The following LPAR3 variants were observed in gnomAD, a reference collection of about 807,000 sequenced individuals.
The protein encoded by LPAR3 is lysophosphatidic acid receptor 3, also known as LPA receptor 3.
A neutral mutation model predicts 17.8 loss-of-function variants in LPAR3; 7 were observed. That is an observed-to-expected ratio of 0.39 (90% CI 0.22 to 0.74). The LOEUF is 0.74. Ranked by LOEUF, LPAR3 falls within the 30% of genes least tolerant of loss-of-function variation. The pLI, the probability that LPAR3 is intolerant of heterozygous loss-of-function variation, is 0.40. For synonymous variants in LPAR3, 179 were observed against 179.9 expected, an observed-to-expected ratio of 0.99 and a Z score of 0.04; for missense variants, 391 against 453.4, an observed-to-expected ratio of 0.86 and a Z score of 1.25.
At chr1:84,885,218 C>A (rs1557610730) in intron 1 of LPAR3, among the ~76,000 whole-genome samples, 2 of 152,128 alleles carry the variant, frequency 1.3e-5, no homozygotes, top group South Asian at 2.1e-4. Flanking sequence ...AGAGAAGTAT[C>A]CGGTCCAAAA....
intron 2 of LPAR3, among the ~76,000 whole-genome samples, chr1:84,853,630 A>G (rs985858986): frequency 2.0e-5 from 3 of 152,226 alleles, no homozygotes; most frequent in Non-Finnish European, 4.4e-5. Context: ...GCTGCTGCTG[A>G]CAAATGTGCC....
chr1:84,885,791 G>T (rs1187517787), intron 1 of LPAR3, among the ~76,000 whole-genome samples: 1 of 152,198 alleles, frequency 6.6e-6, no homozygotes, highest in Admixed American at 6.5e-5. Flanking sequence ...CTTCACATTT[G>T]TAAGACTGGT....
intron 2 of LPAR3, among the ~76,000 whole-genome samples, chr1:84,814,978 A>G (rs1394546652): frequency 6.6e-6 from 1 of 152,136 alleles, no homozygotes; most frequent in Non-Finnish European, 1.5e-5. Flanking sequence ...CCATTAAGAC[A>G]TGGGTCCACT....
intron 2 of LPAR3, among the ~76,000 whole-genome samples, chr1:84,821,804 G>A (rs1374253342): frequency 6.6e-6 from 1 of 152,170 alleles, no homozygotes; most frequent in African/African-American, 2.4e-5. Context: ...ATGAATATTT[G>A]GATCTAGGAA....
Position 84,863,494 on chromosome 1 carries a change from T to A in LPAR3, c.736+1891A>T, listed in dbSNP as rs565877552. Among the ~76,000 whole-genome samples the A allele has an allele frequency of 5.9e-5, 9 of 152,296 alleles. No homozygotes were observed. The South Asian group carries it at 1.7e-3, about 28-fold the overall frequency. ...TAGTTCCCCAGAGTCTCCTGGGTTT[T>A]CCATCCCTTCTAGGGCTCCTTTGCT... On this transcript the variant is annotated intron_variant, in intron 2 of 2. Transcript: ENST00000370611.
intron 2 of LPAR3, among the ~76,000 whole-genome samples, chr1:84,814,692 A>C (rs1415898508): frequency 6.6e-6 from 1 of 152,252 alleles, no homozygotes; most frequent in Non-Finnish European, 1.5e-5. Context: ...GCATTCTTCT[A>C]GTAGTTTAAC....
At chr1:84,835,213 G>C (rs189038911) in intron 2 of LPAR3, among the ~76,000 whole-genome samples, 38 of 152,272 alleles carry the variant, frequency 2.5e-4, no homozygotes, top group Admixed American at 1.7e-3. Context: ...AAGATGCACC[G>C]TGGACTGATC....
chr1:84,890,650 A>G (rs1489385109), intron 1 of LPAR3, among the ~76,000 whole-genome samples: 1 of 152,230 alleles, frequency 6.6e-6, no homozygotes, highest in Non-Finnish European at 1.5e-5. Flanking sequence ...AGAATCCTGC[A>G]AACAGACTTA....
At chr1:84,843,294 G>A (rs1328700907) in intron 2 of LPAR3, among the ~76,000 whole-genome samples, 5 of 152,242 alleles carry the variant, frequency 3.3e-5, no homozygotes, top group Non-Finnish European at 7.3e-5. Flanking sequence ...GTAGGGGGTA[G>A]TAGTGTACTA....
intron 2 of LPAR3, among the ~76,000 whole-genome samples, chr1:84,815,968 G>C (rs1449896873): frequency 6.6e-6 from 1 of 152,192 alleles, no homozygotes; most frequent in Non-Finnish European, 1.5e-5. Context: ...GGAGATAAGA[G>C]ATCAGAGATT....
At chr1:84,862,162 C>T (rs1419834775) in intron 2 of LPAR3, among the ~76,000 whole-genome samples, 1 of 152,206 alleles carries the variant, frequency 6.6e-6, no homozygotes, top group African/African-American at 2.4e-5. Flanking sequence ...GGGACAGCAG[C>T]ACAGTTCATT....
chr1:84,887,023 T>C (rs1358770359), intron 1 of LPAR3, among the ~76,000 whole-genome samples: 4 of 152,178 alleles, frequency 2.6e-5, no homozygotes, highest in Non-Finnish European at 4.4e-5. Flanking sequence ...TTCTTCCTTA[T>C]AGTAGTATGC....
chr1:84,824,341 T>C (rs1212334982), intron 2 of LPAR3, among the ~76,000 whole-genome samples: 1 of 152,148 alleles, frequency 6.6e-6, no homozygotes, highest in East Asian at 1.9e-4. Context: ...AGGATACCAC[T>C]TTCCATCCTC....
intron 2 of LPAR3, among the ~76,000 whole-genome samples, chr1:84,829,454 C>T (rs765647381): frequency 2.0e-5 from 3 of 152,002 alleles, no homozygotes; most frequent in African/African-American, 7.2e-5. Context: ...TCTAACTCAT[C>T]TGCCAATCCA....
At chr1:84,851,608 A>T (rs1266936014) in intron 2 of LPAR3, among the ~76,000 whole-genome samples, 1 of 152,228 alleles carries the variant, frequency 6.6e-6, no homozygotes, top group Non-Finnish European at 1.5e-5. Flanking sequence ...TGCCTTGGGG[A>T]GTCAGAGAAA....
At chr1:84,874,586 C>A (rs756362995) in intron 1 of LPAR3, among the ~76,000 whole-genome samples, 5 of 152,138 alleles carry the variant, frequency 3.3e-5, no homozygotes, top group Non-Finnish European at 5.9e-5. Context: ...AAAGAGGTGA[C>A]AGATGAATTT....
chr1:84,826,123 A>G (rs1220352157), intron 2 of LPAR3, among the ~76,000 whole-genome samples: 2 of 151,460 alleles, frequency 1.3e-5, no homozygotes, highest in Admixed American at 6.6e-5. Flanking sequence ...TATTTTACAT[A>G]TATTTTTGAA....
chr1:84,841,969 G>A lies in LPAR3; in HGVS notation c.736+23416C>T, dbSNP rs562996006. ...TTAGGAGCTACTGGCTGCCATGTTCGGTACAACATAAGCAGAAGAAGCAGG... is the reference window on the plus strand; with the variant it reads ...TTAGGAGCTACTGGCTGCCATGTTCAGTACAACATAAGCAGAAGAAGCAGG... On this transcript the variant is annotated intron_variant, in intron 2 of 2. Transcript: ENST00000370611. Among the ~76,000 whole-genome samples the A allele has an allele frequency of 1.6e-4, 25 of 152,112 alleles. No individual in the cohort carries two copies. The South Asian group carries it at 3.9e-3, about 24-fold the overall frequency.
chr1:84,856,038 A>G (rs1333561098), intron 2 of LPAR3, among the ~76,000 whole-genome samples: 1 of 152,188 alleles, frequency 6.6e-6, no homozygotes, highest in East Asian at 1.9e-4. Context: ...CAGAACAGGA[A>G]GGGATGTGTC....
Sources: gnomAD v4.1 joint callset for allele counts (sites outside exome capture counted in the v4.1 genomes callset) on GRCh38, gnomAD v4.1.1 for gene constraint, MANE v1.5 for transcripts, NCBI Gene and HGNC (gene_info 2026-07-23, HGNC 2026-07-21) for gene names.